The following DOCK4 variants were observed in gnomAD, a reference collection of about 807,000 sequenced individuals.
DOCK4 encodes dedicator of cytokinesis 4.
A neutral mutation model predicts 268.1 loss-of-function variants in DOCK4; 97 were observed. The observed-to-expected ratio is 0.36, with a 90% CI of 0.31 to 0.43. The LOEUF is 0.43. Ranked by LOEUF, DOCK4 falls within the 20% of genes least tolerant of loss-of-function variation. The pLI is 1.00. For missense variants in DOCK4, 2,145 were observed against 2,455.7 expected, an observed-to-expected ratio of 0.87 and a Z score of 2.67; for synonymous variants, 954 against 887.2, an observed-to-expected ratio of 1.08 and a Z score of -1.34.
At chr7:112,081,216 AG>A (rs1247513072) in intron 1 of DOCK4, among the ~76,000 whole-genome samples, 1 of 152,166 alleles carries the variant, frequency 6.6e-6, no homozygotes, top group East Asian at 1.9e-4. Context: ...GGGCAATTCA[AG>A]GAAGTAGTGA....
At chr7:111,781,592 T>C (rs1420548703) in intron 35 of DOCK4, among the ~76,000 whole-genome samples, 1 of 152,192 alleles carries the variant, frequency 6.6e-6, no homozygotes, top group Non-Finnish European at 1.5e-5. Context: ...TAGGTCTCAC[T>C]ATTTTTAGGG....
chr7:111,834,273 A>T (rs1170167344), intron 26 of DOCK4, among the ~76,000 whole-genome samples: 1 of 152,200 alleles, frequency 6.6e-6, no homozygotes, highest in Non-Finnish European at 1.5e-5. Context: ...CAATGTTTCT[A>T]GGTTCACGTA....
At chr7:112,081,496 G>A (rs889906519) in intron 1 of DOCK4, among the ~76,000 whole-genome samples, 1 of 152,136 alleles carries the variant, frequency 6.6e-6, no homozygotes, top group African/African-American at 2.4e-5. Context: ...CACAGAGCAG[G>A]TCAAGGAGAC....
chr7:111,981,556 A>G (rs562689698), intron 7 of DOCK4, among the ~76,000 whole-genome samples: 89 of 152,316 alleles, frequency 5.8e-4, no homozygotes, highest in African/African-American at 1.9e-3. Context: ...GTAAAAAAGA[A>G]AAAGAAACTG....
chr7:111,863,265 A>C (rs760715548), intron 23 of DOCK4, 107 bp downstream of exon 23: 1 of 1,185,412 alleles, frequency 8.4e-7, no homozygotes, highest in South Asian at 1.3e-5. Flanking sequence ...GGTTTTGAGA[A>C]AATGCCTTTT....
chr7:112,018,431 A>G (rs1009235519), intron 1 of DOCK4, among the ~76,000 whole-genome samples: 9 of 152,196 alleles, frequency 5.9e-5, no homozygotes, highest in African/African-American at 2.2e-4. Flanking sequence ...AGCACTTATC[A>G]ATTATAAATG....
intron 1 of DOCK4, among the ~76,000 whole-genome samples, chr7:112,174,110 C>G (rs999764987): frequency 2.6e-4 from 39 of 147,414 alleles, no homozygotes; most frequent in Non-Finnish European, 2.4e-4. Flanking sequence ...CAGGTATGAA[C>G]CATTCCATCT....
At chr7:111,937,215 G>T (rs908313874) in intron 11 of DOCK4, among the ~76,000 whole-genome samples, 2 of 152,132 alleles carry the variant, frequency 1.3e-5, no homozygotes, top group Admixed American at 6.6e-5. Context: ...AGGGCTGGGG[G>T]TTCAGTCACC....
intron 30 of DOCK4, among the ~76,000 whole-genome samples, chr7:111,797,837 C>T (rs1294756271): frequency 1.3e-5 from 2 of 152,134 alleles, no homozygotes; most frequent in Non-Finnish European, 2.9e-5. Flanking sequence ...CAACCCCTTA[C>T]CCCTAATTCA....
Position 111,901,752 on chromosome 7 carries a change from C to A in DOCK4, c.1242G>T (p.Glu414Asp). 6.2e-7 allele frequency: 1 copy of A among 1,608,700 alleles called. No individual in the cohort carries two copies. The highest frequency in any genetic ancestry group is 8.5e-7 in the Non-Finnish European group (1 of 1,175,522). Reference sequence around the variant, plus strand: ...TTCTGGCCACGCTCTTCCCTCCTTTCTCAAATTCTCCCCTTTCAATAGTGA... The same window carrying A: ...TTCTGGCCACGCTCTTCCCTCCTTTATCAAATTCTCCCCTTTCAATAGTGA... Reference protein sequence around the residue: ...LYITIERGEFEKGGKSVARNV... With the variant: ...LYITIERGEFDKGGKSVARNV... The change falls in exon 14 of 53, where the codon GAG becomes GAT. Residue 414 changes from glutamate (E) to aspartate (D), a missense_variant. Transcript: ENST00000428084.
intron 1 of DOCK4, among the ~76,000 whole-genome samples, chr7:112,013,622 A>G (rs1801546249): frequency 1.3e-5 from 2 of 152,172 alleles, no homozygotes; most frequent in Non-Finnish European, 2.9e-5. Flanking sequence ...CTGTCCCCTT[A>G]ACAGGTCTTC....
chr7:111,938,838 G>A (rs1431127703), intron 11 of DOCK4, among the ~76,000 whole-genome samples: 2 of 152,098 alleles, frequency 1.3e-5, no homozygotes, highest in Non-Finnish European at 2.9e-5. Flanking sequence ...AGCCAGGCAT[G>A]GTGGCATGCG....
At chr7:111,993,993 G>C in intron 5 of DOCK4, 142 bp downstream of exon 5, 2 of 488,186 alleles carry the variant, frequency 4.1e-6, no homozygotes, top group Non-Finnish European at 7.4e-6. Flanking sequence ...ATTGTAACAA[G>C]ACTGTCTTGT....
chr7:112,079,020 G>A (rs373263462), intron 1 of DOCK4, among the ~76,000 whole-genome samples: 68 of 152,180 alleles, frequency 4.5e-4, no homozygotes, highest in African/African-American at 1.5e-3. Flanking sequence ...CCAGCTACTC[G>A]GGAAACTGAG....
intron 1 of DOCK4, among the ~76,000 whole-genome samples, chr7:112,163,535 T>C (rs976091003): frequency 6.6e-6 from 1 of 152,206 alleles, no homozygotes; most frequent in Admixed American, 6.5e-5. Flanking sequence ...GTCTTTCGGT[T>C]GTGTGCACAT....
chr7:111,802,752 A>C (rs1232695427), intron 30 of DOCK4, among the ~76,000 whole-genome samples: 1 of 152,216 alleles, frequency 6.6e-6, no homozygotes, highest in Non-Finnish European at 1.5e-5. Context: ...TTAATATGAA[A>C]AATTTCAAAC....
At chr7:111,809,919 T>C (rs1039132278) in intron 28 of DOCK4, among the ~76,000 whole-genome samples, 2 of 152,064 alleles carry the variant, frequency 1.3e-5, no homozygotes, top group African/African-American at 4.8e-5. Context: ...GGCAAATCTT[T>C]TAAGTTTTCT....
chr7:112,027,441 T>C (rs1317503946), intron 1 of DOCK4, among the ~76,000 whole-genome samples: 1 of 152,166 alleles, frequency 6.6e-6, no homozygotes, highest in African/African-American at 2.4e-5. Context: ...GCCAGGCTGG[T>C]CTTGAACTCC....
chr7:112,172,673 C>T lies in DOCK4; in HGVS notation c.37+33429G>A, dbSNP rs148138569. Among the ~76,000 whole-genome samples, 17 of 152,200 alleles carry T rather than the reference C, an allele frequency of 1.1e-4. 1 individual carries two copies. Among genetic ancestry groups the T allele is most frequent in the Middle Eastern group, 3.4e-3 (1 of 294 alleles). On this transcript the variant is annotated intron_variant, in intron 1 of 52. Transcript: ENST00000428084. ...AGAAATAAATTCATGAACAGTATGT[C>T]ATTATATGGAAAAACCATAATGCCA...
Sources: allele counts gnomAD v4.1 joint callset (sites outside exome capture counted in the v4.1 genomes callset), GRCh38; gene constraint gnomAD v4.1.1; transcripts MANE v1.5; gene names NCBI Gene and HGNC (gene_info 2026-07-23, HGNC 2026-07-21).